VEGFC: variants seen among roughly 807,000 people sequenced by gnomAD.
VEGFC encodes the protein vascular endothelial growth factor C.
VEGFC carries 12 observed loss-of-function variants against 46.1 expected under a neutral mutation model. The ratio of observed to expected loss-of-function variants is 0.26; its 90% CI spans 0.17 to 0.42. The LOEUF (loss-of-function observed/expected upper bound fraction) is 0.42, where lower values mean the gene tolerates loss of function less well. Among genes scored for constraint, VEGFC ranks in the 10% least tolerant of loss-of-function variants. VEGFC has a pLI of 1.00. For missense variants in VEGFC, 488 were observed against 529.4 expected (o/e 0.92, Z 0.77); for synonymous variants, 232 against 195.5 (o/e 1.19, Z -1.56).
chr4:176,687,039 A>G, intron 6 of VEGFC, 148 bp downstream of exon 6: 2 of 905,466 alleles, frequency 2.2e-6, no homozygotes, highest in Non-Finnish European at 3.3e-6. Flanking sequence ...CAAGTTTAGC[A>G]TTGGTTAAAA....
intron 1 of VEGFC, among the ~76,000 whole-genome samples, chr4:176,744,983 G>T: frequency 2.0e-5 from 3 of 152,062 alleles, no homozygotes; most frequent in Admixed American, 2.0e-4. Flanking sequence ...TGATAACTGG[G>T]TCCCAGCCTT....
At chr4:176,782,051 A>C (rs1735926105) in intron 1 of VEGFC, among the ~76,000 whole-genome samples, 5 of 152,256 alleles carry the variant, frequency 3.3e-5, no homozygotes, top group Admixed American at 2.0e-4. Flanking sequence ...ATATTTTAAC[A>C]AGTTGGAACC....
At chr4:176,784,083 G>A (rs146660233) in intron 1 of VEGFC, among the ~76,000 whole-genome samples, 2,595 of 63,022 alleles carry the variant, frequency 0.041, 55 homozygotes, top group Non-Finnish European at 0.06. Context: ...TTTTTTTTTT[G>A]AAACAGAGTC....
chr4:176,763,144 G>T (rs572196873), intron 1 of VEGFC, among the ~76,000 whole-genome samples: 1 of 152,340 alleles, frequency 6.6e-6, no homozygotes, highest in Middle Eastern at 3.4e-3. Context: ...CTTTGAAAGT[G>T]GTCTCTATTT....
intron 4 of VEGFC, among the ~76,000 whole-genome samples, chr4:176,705,316 G>A (rs1003126091): frequency 2.6e-5 from 4 of 152,110 alleles, no homozygotes; most frequent in African/African-American, 4.8e-5. Flanking sequence ...AATACATGGA[G>A]TTAAATTTGA....
intron 1 of VEGFC, among the ~76,000 whole-genome samples, chr4:176,780,387 A>AAAAAAAAAAAAACAAC (rs1553997803): frequency 8.7e-6 from 1 of 114,760 alleles, no homozygotes; most frequent in African/African-American, 3.2e-5. Context: ...ATCTCAAAAA[A>AAAAAAAAAAAAACAAC]AAAAAAAAAA....
chr4:176,759,417 T>A (rs1487281108), intron 1 of VEGFC, among the ~76,000 whole-genome samples: 1 of 151,970 alleles, frequency 6.6e-6, no homozygotes, highest in East Asian at 1.9e-4. Context: ...TTTAAAAAAA[T>A]CAAATGATAG....
At chr4:176,700,840 G>A (rs773037508) in intron 4 of VEGFC, among the ~76,000 whole-genome samples, 1 of 151,986 alleles carries the variant, frequency 6.6e-6, no homozygotes, top group Non-Finnish European at 1.5e-5. Flanking sequence ...ACAGCCATAC[G>A]TCATTAACAG....
chr4:176,755,557 T>G (rs536964105), intron 1 of VEGFC, among the ~76,000 whole-genome samples: 2 of 152,116 alleles, frequency 1.3e-5, no homozygotes, highest in Admixed American at 1.3e-4. Flanking sequence ...CAAAGTGCCC[T>G]GGGATTGCCT....
intron 1 of VEGFC, among the ~76,000 whole-genome samples, chr4:176,774,567 T>C (rs4569711): frequency 0.83 from 125,206 of 151,642 alleles, 53,261 homozygotes; most frequent in East Asian, 1. Flanking sequence ...GAGGAGAATA[T>C]GAAACCAAAA....
intron 4 of VEGFC, among the ~76,000 whole-genome samples, chr4:176,707,437 C>G (rs1300527404): frequency 6.6e-6 from 1 of 152,012 alleles, no homozygotes; most frequent in Non-Finnish European, 1.5e-5. Flanking sequence ...TATATTATCA[C>G]TAGTGTAGCT....
intron 1 of VEGFC, among the ~76,000 whole-genome samples, chr4:176,759,964 T>A (rs1330064113): frequency 6.6e-6 from 1 of 151,902 alleles, no homozygotes; most frequent in Non-Finnish European, 1.5e-5. Flanking sequence ...TTAGAGAAAA[T>A]ATGTAAAGAA....
intron 1 of VEGFC, among the ~76,000 whole-genome samples, chr4:176,774,279 A>C (rs1365563832): frequency 6.6e-6 from 1 of 152,148 alleles, no homozygotes; most frequent in East Asian, 1.9e-4. Flanking sequence ...ATAATAAATA[A>C]AAATTTTGAT....
rs771072384 is a variant in VEGFC, at chr4:176,761,057, C to A, written c.147+31108G>T. ...TTCAGAAGTGGAAGGGGAAAACGTTCTGTATTTTCTTGTGATTGATTTAAT... is the reference window on the plus strand; with the variant it reads ...TTCAGAAGTGGAAGGGGAAAACGTTATGTATTTTCTTGTGATTGATTTAAT... On this transcript the variant is annotated intron_variant, in intron 1 of 6. Transcript: ENST00000618562. Among the ~76,000 whole-genome samples, 5 of 152,220 alleles carry A rather than the reference C, an allele frequency of 3.3e-5. No homozygotes were observed. In the East Asian group the frequency reaches 7.7e-4, roughly 23 times the overall value.
intron 1 of VEGFC, among the ~76,000 whole-genome samples, chr4:176,788,015 G>A (rs1310139928): frequency 6.6e-6 from 1 of 152,164 alleles, no homozygotes; most frequent in Non-Finnish European, 1.5e-5. Context: ...ACTGGTGAAA[G>A]GTGAAACAAT....
At chr4:176,760,790 A>G (rs190376113) in intron 1 of VEGFC, among the ~76,000 whole-genome samples, 1 of 152,230 alleles carries the variant, frequency 6.6e-6, no homozygotes, top group African/African-American at 2.4e-5. Context: ...TAATATGCTG[A>G]CTCCAAAACA....
chr4:176,686,750 T>G (rs1233041818), intron 6 of VEGFC, among the ~76,000 whole-genome samples: 1 of 152,300 alleles, frequency 6.6e-6, no homozygotes, highest in South Asian at 2.1e-4. Context: ...TATCAAATAC[T>G]TAGCTATGTA....
chr4:176,773,673 C>T (rs7686628), intron 1 of VEGFC, among the ~76,000 whole-genome samples: 17,739 of 151,912 alleles, frequency 0.12, 2,419 homozygotes, highest in African/African-American at 0.32. Context: ...CAATAATTTT[C>T]ATGTGTAGGT....
chr4:176,753,914 C>T (rs563071205), intron 1 of VEGFC, among the ~76,000 whole-genome samples: 41 of 152,130 alleles, frequency 2.7e-4, no homozygotes, highest in Admixed American at 2.4e-3. Flanking sequence ...GCTAACAAAG[C>T]CAAATAAAAT....
Sources: allele counts gnomAD v4.1 joint callset (sites outside exome capture counted in the v4.1 genomes callset), GRCh38; gene constraint gnomAD v4.1.1; transcripts MANE v1.5; gene names NCBI Gene and HGNC (gene_info 2026-07-23, HGNC 2026-07-21).